Variants in AFF3 observed in about 807,000 individuals in gnomAD.
AFF3 encodes ALF transcription elongation factor 3.
AFF3 carries 32 observed loss-of-function variants against 129.7 expected under a neutral mutation model. The observed-to-expected ratio is 0.25, with a 90% CI of 0.19 to 0.33. AFF3 has a LOEUF of 0.33. Ranked by LOEUF, AFF3 falls within the 10% of genes least tolerant of loss-of-function variation. AFF3 has a pLI of 1.00. For missense variants in AFF3, 1,373 were observed against 1,592.0 expected, an observed-to-expected ratio of 0.86 and a Z score of 2.34; for synonymous variants, 644 against 635.4, an observed-to-expected ratio of 1.01 and a Z score of -0.20.
At chr2:99,842,283 AC>A (rs1214046461) in intron 7 of AFF3, among the ~76,000 whole-genome samples, 1 of 152,096 alleles carries the variant, frequency 6.6e-6, no homozygotes, top group African/African-American at 2.4e-5. Flanking sequence ...GATTATATTT[AC>A]ATTTTGAAAA....
rs371660896 is a variant in AFF3 at position 99,780,492 on chromosome 2, G to A, written c.922-28191C>T. On this transcript the variant is annotated intron_variant, in intron 8 of 24. Coordinates refer to ENST00000672756, the MANE Select transcript of AFF3 (RefSeq NM_001386135.1). ...TTCCAGATATACTTATGTTCTGGAT[G>A]ATCTCATCCTGGCCACGTTTACCCT... 8.3e-4 allele frequency among the ~76,000 whole-genome samples: 126 copies of A among 152,250 alleles called. 3 individuals carry two copies. The South Asian group carries it at 0.025, about 30-fold the overall frequency.
At chr2:100,090,748 C>T (rs1689788925) in intron 4 of AFF3, among the ~76,000 whole-genome samples, 1 of 152,190 alleles carries the variant, frequency 6.6e-6, no homozygotes. Context: ...GCGATCTAGG[C>T]TCACTGCAAC....
chr2:100,055,055 C>A (rs1686652610), intron 4 of AFF3, among the ~76,000 whole-genome samples: 1 of 152,174 alleles, frequency 6.6e-6, no homozygotes, highest in African/African-American at 2.4e-5. Flanking sequence ...TGGGTTTTAT[C>A]TCGTTTTGGG....
chr2:100,014,013 G>C (rs1024522466), intron 4 of AFF3, among the ~76,000 whole-genome samples: 1 of 152,030 alleles, frequency 6.6e-6, no homozygotes, highest in Non-Finnish European at 1.5e-5. Flanking sequence ...CCTGCCCTCT[G>C]GCTGAGTCAC....
chr2:99,663,235 A>G (rs1686399007), intron 12 of AFF3, among the ~76,000 whole-genome samples: 3 of 152,336 alleles, frequency 2.0e-5, no homozygotes. Flanking sequence ...TTTTAAGAGT[A>G]CACCCAAAAC....
At chr2:99,766,288 T>A (rs984201440) in intron 8 of AFF3, among the ~76,000 whole-genome samples, 8 of 152,366 alleles carry the variant, frequency 5.3e-5, no homozygotes, top group Admixed American at 4.6e-4. Flanking sequence ...CTTTCAAATG[T>A]TTCCCAGCTA....
At chr2:99,953,619 G>C (rs938897291) in intron 7 of AFF3, among the ~76,000 whole-genome samples, 7 of 152,188 alleles carry the variant, frequency 4.6e-5, no homozygotes, top group African/African-American at 1.7e-4. Flanking sequence ...ATCCTGTACT[G>C]AAGTGGCTTA....
intron 1 of AFF3, among the ~76,000 whole-genome samples, chr2:100,141,516 G>A (rs1177790656): frequency 6.6e-6 from 1 of 152,138 alleles, no homozygotes; most frequent in Non-Finnish European, 1.5e-5. Context: ...TTTTTTGATG[G>A]ATTATTTAGT....
chr2:100,003,746 G>A (rs900231373), intron 7 of AFF3, among the ~76,000 whole-genome samples: 3 of 152,206 alleles, frequency 2.0e-5, no homozygotes, highest in Non-Finnish European at 2.9e-5. Context: ...AAGAGTTTAT[G>A]AAGTGTAAAA....
At chr2:100,135,651 G>C (rs1213655092) in intron 1 of AFF3, among the ~76,000 whole-genome samples, 1 of 152,226 alleles carries the variant, frequency 6.6e-6, no homozygotes, top group East Asian at 1.9e-4. Flanking sequence ...AGCAAATGCG[G>C]AAGGTTGTTT....
At chr2:99,983,069 A>G (rs574196789) in intron 7 of AFF3, among the ~76,000 whole-genome samples, 1 of 152,358 alleles carries the variant, frequency 6.6e-6, no homozygotes, top group South Asian at 2.1e-4. Flanking sequence ...AGCCCCTTAA[A>G]GAACTATCCA....
At chr2:99,672,689 C>G in intron 11 of AFF3, 100 bp from the exon 12 acceptor site, 1 of 1,139,334 alleles carries the variant, frequency 8.8e-7, no homozygotes, top group Admixed American at 2.0e-5. Context: ...ATTAGAGCAA[C>G]ATTTTGGAAA....
At chr2:99,968,421 CTCTG>C (rs1678003205) in intron 7 of AFF3, among the ~76,000 whole-genome samples, 1 of 152,218 alleles carries the variant, frequency 6.6e-6, no homozygotes, top group Non-Finnish European at 1.5e-5. Context: ...AGGATGCCTA[CTCTG>C]TCTGTCACAA....
intron 8 of AFF3, among the ~76,000 whole-genome samples, chr2:99,826,927 T>C (rs1442008848): frequency 1.1e-4 from 16 of 151,360 alleles, no homozygotes; most frequent in Non-Finnish European, 2.1e-4. Flanking sequence ...AACAAGGAGA[T>C]AGCTGGAGGT....
chr2:99,787,341 T>C (rs757208481), intron 8 of AFF3, among the ~76,000 whole-genome samples: 8 of 152,146 alleles, frequency 5.3e-5, no homozygotes, highest in Non-Finnish European at 1.2e-4. Context: ...AGGTGCTCTC[T>C]GGAGCCTGCC....
intron 7 of AFF3, among the ~76,000 whole-genome samples, chr2:99,958,753 G>T (rs1676914778): frequency 6.6e-6 from 1 of 151,994 alleles, no homozygotes; most frequent in Non-Finnish European, 1.5e-5. Flanking sequence ...TTCACTAGAG[G>T]ACCTTTCTGA....
intron 13 of AFF3, among the ~76,000 whole-genome samples, chr2:99,626,094 G>A (rs944225732): frequency 2.0e-5 from 3 of 152,292 alleles, no homozygotes; most frequent in Non-Finnish European, 4.4e-5. Context: ...AAGCTGCTGC[G>A]TTTGGACACT....
At chr2:99,957,081 A>C (rs1676721175) in intron 7 of AFF3, among the ~76,000 whole-genome samples, 1 of 152,228 alleles carries the variant, frequency 6.6e-6, no homozygotes, top group Non-Finnish European at 1.5e-5. Context: ...GTGAAATCTG[A>C]AAGGGGTCTG....
At position 99,593,922 on chromosome 2, in the gene AFF3, C is replaced by T; in HGVS notation, c.1739G>A (p.Arg580Gln). ...GGTGGGCTTCTTGCCCGCGGACCTC[C>T]GGGCAGGCGCGGGCGCGTTCTCCGC... ...APAENAPAPARRSAGKKPTRR... is the reference protein window; with the variant it reads ...APAENAPAPAQRSAGKKPTRR... Residue 580 changes from arginine to glutamine, a missense_variant, in exon 15 of 25, where the codon CGG becomes CAG. By Grantham distance (43) the Arg-to-Gln change is conservative. Coordinates refer to ENST00000672756, the MANE Select transcript of AFF3 (RefSeq NM_001386135.1). The T allele has an allele frequency of 3.6e-6, 5 of 1,393,356 alleles. No individual in the cohort carries two copies. Among genetic ancestry groups the T allele is most frequent in the Non-Finnish European group, 3.7e-6 (4 of 1,075,802 alleles). 86.3% of individuals were successfully genotyped at this position (1,393,356 alleles called of 1,614,324 possible).
Sources: gnomAD v4.1 joint callset for allele counts (sites outside exome capture counted in the v4.1 genomes callset) on GRCh38, gnomAD v4.1.1 for gene constraint, MANE v1.5 for transcripts, NCBI Gene and HGNC (gene_info 2026-07-23, HGNC 2026-07-21) for gene names.